The following SMYD3 variants were observed in gnomAD, a reference collection of about 807,000 sequenced individuals.
SMYD3 encodes the protein histone-lysine N-methyltransferase SMYD3.
Under a neutral mutation model 57.7 loss-of-function variants are expected in SMYD3, and 36 were observed. That is an observed-to-expected ratio of 0.62 (90% CI 0.48 to 0.82). SMYD3 has a LOEUF of 0.82. SMYD3 is among the 40% of genes least tolerant of loss of function. The pLI is 0.00. For missense variants in SMYD3, 515 were observed against 538.8 expected, an observed-to-expected ratio of 0.96 and a Z score of 0.44; for synonymous variants, 211 against 195.0, an observed-to-expected ratio of 1.08 and a Z score of -0.68.
At chr1:246,301,861 C>T (rs1447050575) in intron 5 of SMYD3, among the ~76,000 whole-genome samples, 1 of 152,070 alleles carries the variant, frequency 6.6e-6, no homozygotes, top group Non-Finnish European at 1.5e-5. Context: ...ACTGATAATC[C>T]GTATTAGAGA....
In SMYD3 at chr1:246,355,246, T is replaced by C. The variant is rs2065893822; in HGVS notation, c.165-152A>G. The C allele has an allele frequency of 1.0e-5, 7 of 688,616 alleles. No individual in the cohort carries two copies. The highest frequency in any genetic ancestry group is 9.5e-5 in the South Asian group (5 of 52,754). The allele number at this position is 688,616 out of a possible 1,614,324, so 42.7% of individuals were successfully genotyped here. The stretch of plus-strand genomic sequence containing the variant: ...CTTAAGATTTGGATTTTCACACTGA[T>C]GAGCCTCCTCTTGAACCTTCCATGT... On this transcript the variant is annotated intron_variant, in intron 1 of 11. Transcript: ENST00000490107. The surrounding 1 kb of genome is among the most constrained non-coding windows in gnomAD (Gnocchi z 5.0).
intron 10 of SMYD3, among the ~76,000 whole-genome samples, chr1:245,837,689 C>T (rs928049041): frequency 1.3e-5 from 2 of 152,036 alleles, no homozygotes; most frequent in South Asian, 2.1e-4. Context: ...GTTTAGGTGC[C>T]GGGAGGTCTT....
chr1:245,870,261 A>G (rs983280421), intron 8 of SMYD3, among the ~76,000 whole-genome samples: 1 of 152,168 alleles, frequency 6.6e-6, no homozygotes, highest in African/African-American at 2.4e-5. Context: ...CACTAAGATC[A>G]GATACGTTCC....
chr1:246,158,241 A>C (rs775933439), intron 5 of SMYD3, among the ~76,000 whole-genome samples: 1 of 152,228 alleles, frequency 6.6e-6, no homozygotes, highest in African/African-American at 2.4e-5. Flanking sequence ...AAAATGAAAC[A>C]GCTCCGTTGG....
chr1:245,844,527 G>A (rs562465650), intron 10 of SMYD3, among the ~76,000 whole-genome samples: 18 of 151,980 alleles, frequency 1.2e-4, no homozygotes, highest in Admixed American at 3.3e-4. Flanking sequence ...GAGTAAATGC[G>A]GTCTGAGGCA....
chr1:245,774,933 C>A (rs892896023), intron 10 of SMYD3, among the ~76,000 whole-genome samples: 1 of 152,160 alleles, frequency 6.6e-6, no homozygotes, highest in Admixed American at 6.5e-5. Flanking sequence ...CAGCTCCTAA[C>A]CGCGAGTGAT....
intron 1 of SMYD3, among the ~76,000 whole-genome samples, chr1:246,373,343 T>G (rs984110746): frequency 9.9e-5 from 15 of 152,206 alleles, no homozygotes; most frequent in African/African-American, 3.4e-4. Context: ...GACAGACAGA[T>G]AGGTATGTCA....
At chr1:246,188,305 A>C (rs2062676953) in intron 5 of SMYD3, among the ~76,000 whole-genome samples, 1 of 152,186 alleles carries the variant, frequency 6.6e-6, no homozygotes, top group African/African-American at 2.4e-5. Context: ...TTGGACTCTG[A>C]AAAGAGGATC....
chr1:245,958,958 AG>A (rs1171661939), intron 5 of SMYD3, among the ~76,000 whole-genome samples: 1 of 152,108 alleles, frequency 6.6e-6, no homozygotes, highest in Non-Finnish European at 1.5e-5. Context: ...CCCAGGCTGG[AG>A]TTTGGTGGCA....
At chr1:246,193,155 G>A (rs151260259) in intron 5 of SMYD3, among the ~76,000 whole-genome samples, 14 of 152,202 alleles carry the variant, frequency 9.2e-5, no homozygotes, top group African/African-American at 3.4e-4. Context: ...GTCATATCTT[G>A]TTTACTACCA....
chr1:246,225,593 C>T (rs1343289759), intron 5 of SMYD3, among the ~76,000 whole-genome samples: 1 of 152,172 alleles, frequency 6.6e-6, no homozygotes, highest in East Asian at 1.9e-4. Flanking sequence ...ACACACTTAA[C>T]ACAGGTGACA....
intron 1 of SMYD3, among the ~76,000 whole-genome samples, chr1:246,505,428 G>A (rs2068521807): frequency 6.9e-6 from 1 of 145,652 alleles, no homozygotes; most frequent in African/African-American, 2.7e-5. Context: ...AGTTTCCCAA[G>A]GAGCAGCAGC....
intron 5 of SMYD3, among the ~76,000 whole-genome samples, chr1:246,003,920 T>A (rs12119134): frequency 0.44 from 66,336 of 152,080 alleles, 17,790 homozygotes; most frequent in Non-Finnish European, 0.61. Context: ...GACCCACGAC[T>A]TGGGGCTCCA....
chr1:246,241,743 G>A (rs2063615043), intron 5 of SMYD3, among the ~76,000 whole-genome samples: 1 of 152,110 alleles, frequency 6.6e-6, no homozygotes, highest in Non-Finnish European at 1.5e-5. Context: ...TGGTTGGTAA[G>A]CTATTAATTA....
chr1:246,378,751 A>AT (rs1491557449), intron 1 of SMYD3, among the ~76,000 whole-genome samples: 15 of 82,102 alleles, frequency 1.8e-4, no homozygotes, highest in Admixed American at 4.1e-4. Flanking sequence ...ATTATATATA[A>AT]TATATTTAAT....
chr1:246,318,848 T>G (rs551072298), intron 5 of SMYD3, among the ~76,000 whole-genome samples: 1 of 152,344 alleles, frequency 6.6e-6, no homozygotes, highest in East Asian at 1.9e-4. Flanking sequence ...TTACTAATTA[T>G]CCTTCCCAAC....
Position 246,325,968 on chromosome 1 carries a change from G to T in SMYD3, c.531+1233C>A, listed in dbSNP as rs2065342650. ...GAGAAAGTTTTCAGATGCACTGTAA[G>T]AAATCAGTAAATTTTGAAATCAATT... is the stretch of plus-strand genomic sequence containing the variant. On this transcript the variant is annotated intron_variant, in intron 5 of 11. Coordinates refer to ENST00000490107, the MANE Select transcript of SMYD3 (RefSeq NM_001167740.2). The T allele has an allele frequency of 2.5e-5, 4 of 159,098 alleles. No individual in the cohort carries two copies. The Admixed American group carries it at 2.5e-4, about 10-fold the overall frequency. 9.9% of individuals were successfully genotyped at this position (159,098 alleles called of 1,614,324 possible). A position where few individuals can be genotyped will look rare whatever the true frequency, so the allele number is the denominator to read the frequency against.
chr1:246,446,020 T>C (rs1046519259), intron 1 of SMYD3, among the ~76,000 whole-genome samples: 12 of 152,238 alleles, frequency 7.9e-5, no homozygotes, highest in African/African-American at 2.9e-4. Flanking sequence ...TAATTCCATT[T>C]CATACTTTTA....
chr1:245,849,083 A>T (rs2153406), intron 10 of SMYD3, among the ~76,000 whole-genome samples: 62,766 of 152,042 alleles, frequency 0.41, 13,540 homozygotes, highest in East Asian at 0.8. Flanking sequence ...TGGATACTGC[A>T]ACCAAGGAGG....
Sources: gnomAD v4.1 joint callset for allele counts (sites outside exome capture counted in the v4.1 genomes callset) on GRCh38, gnomAD v4.1.1 for gene constraint, Gnocchi (gnomAD v3.1) non-coding constraint, MANE v1.5 for transcripts, NCBI Gene and HGNC (gene_info 2026-07-23, HGNC 2026-07-21) for gene names.